The following ECE1 variants were observed in gnomAD, a reference collection of about 807,000 sequenced individuals.
ECE1 encodes endothelin converting enzyme 1.
In ECE1, 35 loss-of-function variants were observed where a neutral mutation model predicts 98.6. The ratio of observed to expected loss-of-function variants is 0.35; its 90% CI spans 0.27 to 0.47. ECE1 has a LOEUF of 0.47. ECE1 is among the 20% of genes least tolerant of loss of function. ECE1 has a pLI of 1.00. For missense variants in ECE1, 814 were observed against 1,025.3 expected (o/e 0.79, Z 2.81); for synonymous variants, 394 against 407.1 (o/e 0.97, Z 0.39).
At chr1:21,301,732 A>G (rs1177319094) in intron 1 of ECE1, among the ~76,000 whole-genome samples, 1 of 144,042 alleles carries the variant, frequency 6.9e-6, no homozygotes, top group Admixed American at 7.1e-5. Context: ...AGGCTGAGGC[A>G]GGGGAATTAC....
intron 7 of ECE1, chr1:21,256,800 C>G (rs549796708): frequency 6.4e-6 from 1 of 155,562 alleles, no homozygotes; most frequent in South Asian, 2.0e-4. Context: ...TAGGTCTCCA[C>G]GGTAGACTTT....
chr1:21,237,776 A>G (rs2098190242), intron 11 of ECE1, among the ~76,000 whole-genome samples: 1 of 152,164 alleles, frequency 6.6e-6, no homozygotes, highest in Non-Finnish European at 1.5e-5. Flanking sequence ...GTCTAGAACA[A>G]ACCTGTCACC....
At chr1:21,314,309 C>G (rs973823867) in intron 1 of ECE1, among the ~76,000 whole-genome samples, 1 of 152,184 alleles carries the variant, frequency 6.6e-6, no homozygotes, top group African/African-American at 2.4e-5. Flanking sequence ...GGGACACTCA[C>G]GCAGCCACAT....
intron 3 of ECE1, among the ~76,000 whole-genome samples, chr1:21,276,998 G>A (rs1393571739): frequency 1.3e-5 from 2 of 152,176 alleles, no homozygotes; most frequent in Non-Finnish European, 2.9e-5. Flanking sequence ...GATTACAGGC[G>A]TAAGCTACTG....
At position 21,227,943 on chromosome 1, in the gene ECE1, C is replaced by T. The variant is rs1279843605; in HGVS notation, c.1769G>A (p.Arg590His). ...AGILQAPFYT[R>H]SSPKALNFGG... ...AGAGGCAGCCTACTTGGGTGAGGAG[C>T]GTGTGTAGAATGGTGCCTGCAGGAT... Residue 590 changes from arginine (R) to histidine (H), a missense_variant, in exon 15 of 19, where the codon CGC becomes CAC. Transcript: ENST00000374893. The T allele has an allele frequency of 1.3e-5, 20 of 1,552,994 alleles. No homozygotes were observed. Among genetic ancestry groups the T allele is most frequent in the African/African-American group, 4.1e-5 (3 of 72,900 alleles).
chr1:21,230,344 C>G (rs979952026), intron 14 of ECE1, among the ~76,000 whole-genome samples: 1 of 152,118 alleles, frequency 6.6e-6, no homozygotes, highest in Non-Finnish European at 1.5e-5. Context: ...ATCCCTCATC[C>G]CTCCCTTTCC....
At chr1:21,329,012 T>TC (rs1158635101) in intron 1 of ECE1, among the ~76,000 whole-genome samples, 1 of 152,090 alleles carries the variant, frequency 6.6e-6, no homozygotes, top group Non-Finnish European at 1.5e-5. Context: ...GACTCCCACC[T>TC]CCCTTTGCAT....
At chr1:21,332,046 C>T (rs1037883293) in intron 1 of ECE1, among the ~76,000 whole-genome samples, 3 of 152,184 alleles carry the variant, frequency 2.0e-5, no homozygotes, top group African/African-American at 4.8e-5. Context: ...CACTTTCCTC[C>T]GTGGACTTGA....
intron 2 of ECE1, among the ~76,000 whole-genome samples, chr1:21,286,153 G>A (rs1456335240): frequency 2.0e-5 from 3 of 152,172 alleles, no homozygotes; most frequent in African/African-American, 7.2e-5. Flanking sequence ...GGTTTTGGTA[G>A]ACATGGCCAT....
rs574469994 is a variant in ECE1 at position 21,279,497 on chromosome 1, G to C, written c.139-165C>G. On this transcript the variant is annotated intron_variant, in intron 2 of 18. Transcript: ENST00000374893. Reference sequence around the variant, plus strand: ...ACAGATTCAGCCCTAATCCAGGAAAGGAACAGCCACCCTGCTCAGCTGCTC... The same window carrying C: ...ACAGATTCAGCCCTAATCCAGGAAACGAACAGCCACCCTGCTCAGCTGCTC... The C allele has an allele frequency of 3.3e-6, 5 of 1,493,122 alleles. No individual in the cohort carries two copies. In the East Asian group the frequency reaches 1.2e-4, roughly 37 times the overall value. 92.5% of individuals were successfully genotyped at this position (1,493,122 alleles called of 1,614,324 possible). A position where few individuals can be genotyped will look rare whatever the true frequency, so the allele number is the denominator to read the frequency against.
intron 4 of ECE1, among the ~76,000 whole-genome samples, chr1:21,261,063 A>G (rs28367970): frequency 6.6e-6 from 1 of 152,176 alleles, no homozygotes; most frequent in African/African-American, 2.4e-5. Context: ...GCTAAAGGCA[A>G]TGCTCCGGTG....
intron 15 of ECE1, among the ~76,000 whole-genome samples, 192 bp downstream of exon 15, chr1:21,227,739 T>C (rs1488514306): frequency 6.6e-6 from 1 of 152,098 alleles, no homozygotes; most frequent in Non-Finnish European, 1.5e-5. Context: ...AATACCCCAC[T>C]GTGCAGGGCT....
At chr1:21,311,294 G>A (rs533685234) in intron 1 of ECE1, among the ~76,000 whole-genome samples, 4 of 152,212 alleles carry the variant, frequency 2.6e-5, no homozygotes, top group African/African-American at 9.6e-5. Context: ...CATAGCATCT[G>A]TGCCCTCCTC....
At chr1:21,297,895 T>C (rs1286473180) in intron 1 of ECE1, 1 of 152,040 alleles carries the variant, frequency 6.6e-6, no homozygotes, top group Non-Finnish European at 1.5e-5. Context: ...TGGAGTGCAG[T>C]GGTGTGATCA....
In ECE1 at chr1:21,290,124, C is replaced by T; in HGVS notation, c.84G>A (p.Glu28=). 1 of 1,562,174 alleles carries T rather than the reference C, an allele frequency of 6.4e-7. No individual in the cohort carries two copies. The highest frequency in any genetic ancestry group is 2.6e-5 in the East Asian group (1 of 39,118). The change falls in exon 2 of 19, where the codon GAG becomes GAA. Residue 28 remains glutamate, a synonymous_variant. Coordinates refer to ENST00000374893, the MANE Select transcript of ECE1 (RefSeq NM_001397.3). This position sits in a 1 kb window ranked among gnomAD's most constrained non-coding sequence, Gnocchi z 7.3. ...CGGAGAGCGAGTCCACCAGGTCCTC[C>T]TCGTCCAGCGTGGCCCGCTTGTACG... ...MSTYKRATLD[E]EDLVDSLSEG... is the part of the protein sequence containing the mutation.
At chr1:21,343,305 C>T (rs561248348) in intron 1 of ECE1, among the ~76,000 whole-genome samples, 2 of 152,302 alleles carry the variant, frequency 1.3e-5, no homozygotes, top group Admixed American at 6.5e-5. Context: ...GTGTTCAACA[C>T]GTCCTGGCTA....
In ECE1 at chr1:21,306,619, C is replaced by T. The variant is rs145970972; in HGVS notation, c.4-16463G>A. On this transcript the variant is annotated intron_variant, in intron 1 of 18. Transcript: ENST00000415912. ...CCAAAGTGGGATTACAGGCCTGAGC[C>T]ACTGCACCCGGCCATATTATTGACC... is the stretch of plus-strand genomic sequence containing the variant. 8.5e-5 allele frequency among the ~76,000 whole-genome samples: 13 copies of T among 152,282 alleles called. No homozygotes were observed. In the East Asian group the frequency reaches 2.5e-3, roughly 29 times the overall value.
At chr1:21,247,846 G>C (rs775941582) in intron 8 of ECE1, among the ~76,000 whole-genome samples, 1 of 152,132 alleles carries the variant, frequency 6.6e-6, no homozygotes, top group African/African-American at 2.4e-5. Context: ...TGTAACCCTG[G>C]GTAAGTTAAT....
At chr1:21,255,298 C>T (rs553206644) in intron 8 of ECE1, among the ~76,000 whole-genome samples, 1 of 152,250 alleles carries the variant, frequency 6.6e-6, no homozygotes, top group East Asian at 1.9e-4. Context: ...GGCCATTCTG[C>T]TGATCCCTCT....
Sources: gnomAD v4.1 joint callset for allele counts (sites outside exome capture counted in the v4.1 genomes callset) on GRCh38, gnomAD v4.1.1 for gene constraint, Gnocchi (gnomAD v3.1) non-coding constraint, MANE v1.5 for transcripts, NCBI Gene and HGNC (gene_info 2026-07-23, HGNC 2026-07-21) for gene names.